SAE1: variants seen among roughly 807,000 people sequenced by gnomAD.
The protein encoded by SAE1 is SUMO1 activating enzyme subunit 1, also known as SUMO-activating enzyme subunit 1.
SAE1 carries 11 observed loss-of-function variants against 40.6 expected under a neutral mutation model. The observed-to-expected ratio is 0.27, with a 90% CI of 0.17 to 0.45. The LOEUF is 0.45. Ranked by LOEUF, SAE1 falls within the 20% of genes least tolerant of loss-of-function variation. SAE1 has a pLI of 1.00. For synonymous variants in SAE1, 155 were observed against 154.3 expected (o/e 1.00, Z -0.03); for missense variants, 373 against 427.3 (o/e 0.87, Z 1.12).
At chr19:47,153,062 G>C in intron 4 of SAE1, 22 bp downstream of exon 4, 18 of 1,565,048 alleles carry the variant, frequency 1.2e-5, no homozygotes, top group Non-Finnish European at 1.4e-5. Flanking sequence ...GAGAGGAGGG[G>C]AGAACATAAC....
chr19:47,135,323 A>G (rs538544554), intron 1 of SAE1, among the ~76,000 whole-genome samples: 2 of 151,204 alleles, frequency 1.3e-5, no homozygotes, highest in East Asian at 3.9e-4. Flanking sequence ...CTTCCCCTCC[A>G]CCCCCCACTA....
intron 2 of SAE1, among the ~76,000 whole-genome samples, chr19:47,143,937 A>G: frequency 6.6e-6 from 1 of 152,174 alleles, no homozygotes; most frequent in East Asian, 1.9e-4. Flanking sequence ...CTGAGTGACT[A>G]ACTGAAAATG....
chr19:47,179,192 CAAAAAAA>C (rs1227213780), intron 6 of SAE1, among the ~76,000 whole-genome samples: 3 of 72,276 alleles, frequency 4.2e-5, no homozygotes, highest in Non-Finnish European at 5.6e-5. Flanking sequence ...GCTCTGTCTC[CAAAAAAA>C]AAAAAAAAAG....
chr19:47,136,784 C>T (rs1189199567), intron 1 of SAE1, among the ~76,000 whole-genome samples: 1 of 152,190 alleles, frequency 6.6e-6, no homozygotes, highest in East Asian at 1.9e-4. Context: ...GCCACAGCCC[C>T]CGGCCTTCAC....
At chr19:47,182,430 T>C (rs138532513) in intron 6 of SAE1, among the ~76,000 whole-genome samples, 48 of 151,386 alleles carry the variant, frequency 3.2e-4, no homozygotes, top group Non-Finnish European at 5.6e-4. Flanking sequence ...CACAGATGTT[T>C]AAAAATAATT....
rs1384116754 is a variant in SAE1 at position 47,156,099 on chromosome 19, G to A, written c.627+886G>A. 3.3e-5 allele frequency among the ~76,000 whole-genome samples: 5 copies of A among 151,286 alleles called. 1 individual carries two copies. The highest frequency in any genetic ancestry group is 1.3e-4 in the Admixed American group (2 of 15,144). ...CCCTGGGTTACAGTAGCAAGACCCCGTGTCTACAAAAAAAATGTAAAAATT... is the reference window on the plus strand; with the variant it reads ...CCCTGGGTTACAGTAGCAAGACCCCATGTCTACAAAAAAAATGTAAAAATT... On this transcript the variant is annotated intron_variant, in intron 5 of 8. Coordinates refer to ENST00000270225, the MANE Select transcript of SAE1 (RefSeq NM_005500.3).
chr19:47,194,747 C>CTTTTTTTTT (rs1232339267), intron 6 of SAE1, among the ~76,000 whole-genome samples: 3 of 124,898 alleles, frequency 2.4e-5, no homozygotes, highest in African/African-American at 9.1e-5. Flanking sequence ...GTTAATCAGT[C>CTTTTTTTTT]TTTTTTTTTT....
chr19:47,165,531 T>C (rs2058387135), intron 5 of SAE1, among the ~76,000 whole-genome samples: 1 of 152,196 alleles, frequency 6.6e-6, no homozygotes, highest in Non-Finnish European at 1.5e-5. Context: ...GGTATGTAAG[T>C]TACCTGTTTT....
chr19:47,193,403 A>G lies in SAE1; in HGVS notation c.734-3830A>G, dbSNP rs1287584160. The stretch of plus-strand genomic sequence containing the variant: ...GTTGACTGCCAAGTGTTGAGGTAGC[A>G]TTGAGGGTTGCAGAAGCTGTGTTCT... On this transcript the variant is annotated intron_variant, in intron 6 of 8. Coordinates refer to ENST00000270225, the MANE Select transcript of SAE1 (RefSeq NM_005500.3). 4.6e-5 allele frequency among the ~76,000 whole-genome samples: 7 copies of G among 152,126 alleles called. No individual in the cohort carries two copies. In the East Asian group the frequency reaches 9.6e-4, roughly 21 times the overall value.
At chr19:47,191,504 G>A (rs530593004) in intron 6 of SAE1, among the ~76,000 whole-genome samples, 11 of 152,286 alleles carry the variant, frequency 7.2e-5, no homozygotes, top group Non-Finnish European at 1.3e-4. Context: ...TGAGCAGATG[G>A]AGGCAAAGCT....
At chr19:47,142,335 G>A (rs2058227224) in intron 1 of SAE1, among the ~76,000 whole-genome samples, 2 of 149,768 alleles carry the variant, frequency 1.3e-5, no homozygotes, top group Admixed American at 1.3e-4. Flanking sequence ...AGTGAGCTGA[G>A]ATCACGCCAC....
At chr19:47,160,661 C>T (rs1489108121) in intron 5 of SAE1, among the ~76,000 whole-genome samples, 1 of 152,074 alleles carries the variant, frequency 6.6e-6, no homozygotes, top group Non-Finnish European at 1.5e-5. Flanking sequence ...TCCCAAAGTG[C>T]TGGGATTACA....
At chr19:47,194,136 G>C (rs905045896) in intron 6 of SAE1, among the ~76,000 whole-genome samples, 1 of 152,176 alleles carries the variant, frequency 6.6e-6, no homozygotes, top group African/African-American at 2.4e-5. Context: ...CCCACCCATT[G>C]CCTTCACAGA....
intron 2 of SAE1, among the ~76,000 whole-genome samples, 191 bp downstream of exon 2, chr19:47,143,796 A>G (rs1031213331): frequency 3.3e-5 from 5 of 152,172 alleles, no homozygotes; most frequent in Admixed American, 3.3e-4. Context: ...ATCTAGCTGG[A>G]TGAGCAGTAG....
chr19:47,175,228 A>G (rs2058462085), intron 6 of SAE1, among the ~76,000 whole-genome samples: 1 of 144,656 alleles, frequency 6.9e-6, no homozygotes, highest in Admixed American at 7.4e-5. Context: ...TGTAGGCACT[A>G]CTCTTGTTTC....
chr19:47,135,835 C>CTAGGCTGGAG (rs1034991476), intron 1 of SAE1, among the ~76,000 whole-genome samples: 44 of 152,112 alleles, frequency 2.9e-4, no homozygotes, highest in Non-Finnish European at 5.9e-5. Flanking sequence ...GCCGTGTCGC[C>CTAGGCTGGAG]TAGGCTGGAG....
chr19:47,131,524 G>A (rs2058142669), intron 1 of SAE1, among the ~76,000 whole-genome samples: 1 of 151,896 alleles, frequency 6.6e-6, no homozygotes, highest in Non-Finnish European at 1.5e-5. Flanking sequence ...GAGAGAATGC[G>A]GGTTTTGAGG....
At chr19:47,186,685 G>T (rs1397341377) in intron 6 of SAE1, among the ~76,000 whole-genome samples, 5 of 152,156 alleles carry the variant, frequency 3.3e-5, no homozygotes, top group Admixed American at 3.3e-4. Flanking sequence ...AACCTCTTCA[G>T]TAGAGAGTGA....
At chr19:47,189,724 C>A (rs182190594) in intron 6 of SAE1, among the ~76,000 whole-genome samples, 4 of 152,250 alleles carry the variant, frequency 2.6e-5, no homozygotes, top group African/African-American at 7.2e-5. Context: ...CCCTGCCCCC[C>A]ACAATTGAAC....
Sources: allele counts gnomAD v4.1 joint callset (sites outside exome capture counted in the v4.1 genomes callset), GRCh38; gene constraint gnomAD v4.1.1; transcripts MANE v1.5; gene names NCBI Gene and HGNC (gene_info 2026-07-23, HGNC 2026-07-21).